ZSWIM5: variants seen among roughly 807,000 people sequenced by gnomAD.
ZSWIM5 encodes the protein zinc finger SWIM domain-containing protein 5.
ZSWIM5 carries 55 observed loss-of-function variants against 119.6 expected under a neutral mutation model. The ratio of observed to expected loss-of-function variants is 0.46; its 90% CI spans 0.37 to 0.58. The LOEUF (loss-of-function observed/expected upper bound fraction) is 0.58. Ranked by LOEUF, ZSWIM5 falls within the 20% of genes least tolerant of loss-of-function variation. The pLI is 0.00. For synonymous variants in ZSWIM5, 537 were observed against 606.9 expected (o/e 0.88, Z 1.69); for missense variants, 1,193 against 1,512.8 (o/e 0.79, Z 3.51).
At chr1:45,065,266 G>A (rs538542782) in intron 2 of ZSWIM5, among the ~76,000 whole-genome samples, 12 of 152,290 alleles carry the variant, frequency 7.9e-5, no homozygotes, top group African/African-American at 2.6e-4. Flanking sequence ...CAGCAATGGT[G>A]CTCCAGCAGC....
At chr1:45,108,985 T>G (rs1037573141) in intron 1 of ZSWIM5, among the ~76,000 whole-genome samples, 1 of 152,354 alleles carries the variant, frequency 6.6e-6, no homozygotes, top group African/African-American at 2.4e-5. Context: ...TATTTAAAGA[T>G]TTCATATCCT....
At chr1:45,074,606 A>G (rs1459705020) in intron 2 of ZSWIM5, among the ~76,000 whole-genome samples, 1 of 151,468 alleles carries the variant, frequency 6.6e-6, no homozygotes, top group African/African-American at 2.4e-5. Context: ...TATTTGGGTC[A>G]TCTCTCTTTT....
chr1:45,193,938 G>GTGTATATA (rs766920512), intron 1 of ZSWIM5, among the ~76,000 whole-genome samples: 12 of 146,274 alleles, frequency 8.2e-5, no homozygotes, highest in African/African-American at 3.0e-4. Flanking sequence ...GTGCATATGT[G>GTGTATATA]TATATATATA....
intron 8 of ZSWIM5, among the ~76,000 whole-genome samples, chr1:45,037,291 A>G (rs1644991116): frequency 1.4e-5 from 2 of 146,968 alleles, no homozygotes; most frequent in African/African-American, 5.1e-5. Context: ...TTATATTTTT[A>G]GTAGAGATGG....
intron 2 of ZSWIM5, chr1:45,070,296 G>A (rs1381220108): frequency 1.3e-5 from 18 of 1,434,982 alleles, no homozygotes; most frequent in Non-Finnish European, 1.8e-5. Context: ...TATTCCTCTG[G>A]TGATGAGGAA....
intron 7 of ZSWIM5, 111 bp from the exon 8 acceptor site, chr1:45,039,184 A>C: frequency 7.6e-7 from 1 of 1,322,844 alleles, no homozygotes; most frequent in South Asian, 1.4e-5. Context: ...AGTCAAATAA[A>C]AGCTTCTCTA....
At chr1:45,138,353 A>C (rs938785513) in intron 1 of ZSWIM5, among the ~76,000 whole-genome samples, 2 of 151,836 alleles carry the variant, frequency 1.3e-5, no homozygotes, top group African/African-American at 2.4e-5. Context: ...AAAAATACAA[A>C]AATTAGCCGG....
chr1:45,144,050 T>C (rs1001782334), intron 1 of ZSWIM5, among the ~76,000 whole-genome samples: 7 of 152,268 alleles, frequency 4.6e-5, no homozygotes, highest in Non-Finnish European at 8.8e-5. Context: ...CTCAATATAG[T>C]GAAGATTTCA....
At chr1:45,191,180 G>T (rs1416281503) in intron 1 of ZSWIM5, among the ~76,000 whole-genome samples, 1 of 151,788 alleles carries the variant, frequency 6.6e-6, no homozygotes, top group African/African-American at 2.4e-5. Flanking sequence ...TGATCCGCCC[G>T]CCTCGGCCTC....
intron 1 of ZSWIM5, among the ~76,000 whole-genome samples, chr1:45,164,934 A>G (rs577537601): frequency 6.6e-6 from 1 of 152,260 alleles, no homozygotes; most frequent in African/African-American, 2.4e-5. Flanking sequence ...AAGGTTACCC[A>G]GGAATTGAAC....
chr1:45,035,756 C>G lies in ZSWIM5; in HGVS notation c.2223G>C (p.Lys741Asn). The change falls in exon 10 of 14, where the codon AAG becomes AAC. Residue 741 changes from lysine (K) to asparagine (N), a missense_variant. Physicochemically the swap from Lys to Asn is moderately conservative, Grantham distance 94 (BLOSUM62 0). This residue lies in a region of ZSWIM5 where 961 missense variants were observed against 1,290.0 expected (regional missense o/e 0.74). Coordinates refer to ENST00000359600, the MANE Select transcript of ZSWIM5 (RefSeq NM_020883.2). ...RESVPMHTFA[K>N]YLFSALLPHD... ...GAGGCAGCAGAGCTGAGAACAAATA[C>G]TTGGCAAAGGTATGCATGGGAACAC... The G allele has an allele frequency of 6.2e-7, 1 of 1,613,850 alleles. No homozygotes were observed. Among genetic ancestry groups the G allele is most frequent in the Non-Finnish European group, 8.5e-7 (1 of 1,180,014 alleles).
intron 4 of ZSWIM5, among the ~76,000 whole-genome samples, chr1:45,053,486 G>C (rs1488910256): frequency 1.3e-5 from 2 of 152,058 alleles, no homozygotes; most frequent in Non-Finnish European, 2.9e-5. Flanking sequence ...TCCTGGCCGG[G>C]TGCGGTGGCT....
At chr1:45,058,574 A>G in intron 4 of ZSWIM5, 35 bp downstream of exon 4, 1 of 1,612,868 alleles carries the variant, frequency 6.2e-7, no homozygotes, top group Non-Finnish European at 8.5e-7. Flanking sequence ...GCAAGATGGT[A>G]GAACAAAGCA....
rs201285093 is a variant in ZSWIM5, at chr1:45,206,144, G to A, written c.207C>T (p.Ala69=). The A allele has an allele frequency of 6.2e-7, 1 of 1,610,600 alleles. No homozygotes were observed. Among genetic ancestry groups the A allele is most frequent in the African/African-American group, 1.3e-5 (1 of 74,950 alleles). ...CCCACTTTTCCGCCACCGTCTTGGC[G>A]GCGCAGTCCAGTAAGGAATCCGGCT... is the stretch of plus-strand genomic sequence containing the variant. ...HLQPDSLLDC[A]AKTVAEKWAY... Residue 69 remains alanine, a synonymous_variant, in exon 1 of 14, where the codon GCC becomes GCT. Transcript: ENST00000359600.
chr1:45,075,877 ATTTTT>A (rs58309693), intron 2 of ZSWIM5, among the ~76,000 whole-genome samples: 1 of 127,130 alleles, frequency 7.9e-6, no homozygotes, highest in Non-Finnish European at 1.7e-5. Flanking sequence ...TAGCTGTTGT[ATTTTT>A]TTTTTTTTTT....
At chr1:45,177,418 G>A (rs1645988043) in intron 1 of ZSWIM5, among the ~76,000 whole-genome samples, 1 of 152,066 alleles carries the variant, frequency 6.6e-6, no homozygotes, top group Non-Finnish European at 1.5e-5. Context: ...TAAGTTTGCA[G>A]GTTATACAGA....
At chr1:45,201,194 T>C (rs1460882400) in intron 1 of ZSWIM5, among the ~76,000 whole-genome samples, 1 of 152,146 alleles carries the variant, frequency 6.6e-6, no homozygotes, top group Non-Finnish European at 1.5e-5. Flanking sequence ...CAACAAAGGA[T>C]TCCCCTGTAG....
chr1:45,169,596 T>G (rs1408149348), intron 1 of ZSWIM5, among the ~76,000 whole-genome samples: 1 of 152,014 alleles, frequency 6.6e-6, no homozygotes, highest in East Asian at 1.9e-4. Flanking sequence ...CAGATTAAAT[T>G]TCCTAATATA....
chr1:45,114,403 G>T (rs983631298), intron 1 of ZSWIM5, among the ~76,000 whole-genome samples: 1 of 152,090 alleles, frequency 6.6e-6, no homozygotes, highest in African/African-American at 2.4e-5. Flanking sequence ...ATTTTATAAT[G>T]ATAAAAAGGA....
Sources: gnomAD v4.1 joint callset for allele counts (sites outside exome capture counted in the v4.1 genomes callset) on GRCh38, gnomAD v4.1.1 for gene constraint, gnomAD v4.1.1 regional missense constraint, MANE v1.5 for transcripts, NCBI Gene and HGNC (gene_info 2026-07-23, HGNC 2026-07-21) for gene names.